The following TMEM74 variants were observed in gnomAD, a reference collection of about 807,000 sequenced individuals.
The protein encoded by TMEM74 is transmembrane protein 74.
TMEM74 carries 13 observed loss-of-function variants against 18.1 expected under a neutral mutation model. That is an observed-to-expected ratio of 0.72 (90% CI 0.47 to 1.14). The LOEUF (loss-of-function observed/expected upper bound fraction) is 1.14, where lower values mean the gene tolerates loss of function less well. Among genes scored for constraint, TMEM74 ranks in the 50% most tolerant of loss-of-function variants. TMEM74 has a pLI of 0.00. For synonymous variants in TMEM74, 159 were observed against 146.6 expected (o/e 1.08, Z -0.61); for missense variants, 372 against 375.9 (o/e 0.99, Z 0.09).
At chr8:108,622,952 T>C (rs1159400424) in intron 2 of TMEM74, among the ~76,000 whole-genome samples, 6 of 152,128 alleles carry the variant, frequency 3.9e-5, no homozygotes, top group Admixed American at 3.3e-4. Flanking sequence ...ATATGGTATG[T>C]ACATTCAAAT....
At chr8:108,614,104 AT>A (rs2130536216) in intron 2 of TMEM74, among the ~76,000 whole-genome samples, 1 of 151,810 alleles carries the variant, frequency 6.6e-6, no homozygotes, top group Non-Finnish European at 1.5e-5. Flanking sequence ...TAATAAGACA[AT>A]TTTTAATAAA....
At chr8:108,752,379 C>G (rs572583779) in intron 1 of TMEM74, among the ~76,000 whole-genome samples, 3 of 152,114 alleles carry the variant, frequency 2.0e-5, no homozygotes, top group East Asian at 3.9e-4. Context: ...GAGTGTCTAG[C>G]ACAGAATAAG....
At chr8:108,748,286 G>A (rs1346966347) in intron 1 of TMEM74, among the ~76,000 whole-genome samples, 5 of 152,060 alleles carry the variant, frequency 3.3e-5, no homozygotes, top group Non-Finnish European at 5.9e-5. Context: ...ATCTCACTGT[G>A]GTTTTGATTG....
Position 108,784,565 on chromosome 8 carries a change from G to A in TMEM74, c.534C>T (p.Phe178=). The A allele has an allele frequency of 1.2e-6, 2 of 1,614,144 alleles. No individual in the cohort carries two copies. Among genetic ancestry groups the A allele is most frequent in the African/African-American group, 1.3e-5 (1 of 75,022 alleles). The change falls in exon 2 of 2, where the codon TTC becomes TTT. Residue 178 remains phenylalanine (F), a synonymous_variant. Coordinates refer to ENST00000297459, the MANE Select transcript of TMEM74 (RefSeq NM_153015.3). ...TSSGKSIDYG[F]ISAILFLVTG... Reference sequence around the variant, plus strand: ...TGACCAAGAACAAGATGGCGCTGATGAAACCATAGTCTATAGACTTCCCTG... The same window carrying A: ...TGACCAAGAACAAGATGGCGCTGATAAAACCATAGTCTATAGACTTCCCTG...
intron 1 of TMEM74, among the ~76,000 whole-genome samples, chr8:108,685,249 G>A (rs990806015): frequency 6.6e-5 from 10 of 151,850 alleles, no homozygotes; most frequent in Admixed American, 2.6e-4. Flanking sequence ...TTTATTATTC[G>A]TGTATGGAAA....
chr8:108,688,836 A>C (rs1346818773), intron 1 of TMEM74, among the ~76,000 whole-genome samples: 1 of 152,126 alleles, frequency 6.6e-6, no homozygotes, highest in Non-Finnish European at 1.5e-5. Flanking sequence ...CAGCCCACAC[A>C]CCTTATATAG....
chr8:108,780,227 G>T lies in TMEM74; in HGVS notation c.*3954C>A, dbSNP rs1446516894. Among the ~76,000 whole-genome samples the T allele has an allele frequency of 6.6e-6, 1 of 152,154 alleles. No individual in the cohort carries two copies. Among genetic ancestry groups the T allele is most frequent in the Non-Finnish European group, 1.5e-5 (1 of 68,008 alleles). The stretch of plus-strand genomic sequence containing the variant: ...CGTTTTTTTGATGGCATTAATTGCT[G>T]CAATGAAATCTGACCTTCAGGTTGA... On this transcript the variant is annotated 3_prime_UTR_variant, in exon 2 of 2. Coordinates refer to ENST00000297459, the MANE Select transcript of TMEM74 (RefSeq NM_153015.3).
intron 1 of TMEM74, among the ~76,000 whole-genome samples, chr8:108,660,845 A>G (rs921901399): frequency 1.3e-5 from 2 of 152,068 alleles, no homozygotes; most frequent in Non-Finnish European, 2.9e-5. Flanking sequence ...TATTTTGTAT[A>G]TTTGTAGCTC....
In TMEM74 at chr8:108,661,742, C is replaced by T. The variant is rs11985003; in HGVS notation, n.120-6305G>A. ...AATCAATGTCTGATTCCACAATGAA[C>T]GGGGCAGCCTCCTTTCTGGGTAGGT... On this transcript the variant is annotated intron_variant and non_coding_transcript_variant, in intron 1 of 3. Transcript: ENST00000518838. Among the ~76,000 whole-genome samples the T allele has an allele frequency of 7.3e-3, 1,108 of 152,068 alleles. 11 individuals carry two copies. Among genetic ancestry groups the T allele is most frequent in the African/African-American group, 0.025 (1,054 of 41,466 alleles).
chr8:108,780,785 G>C lies in TMEM74; in HGVS notation c.*3396C>G, dbSNP rs10955496. Among the ~76,000 whole-genome samples the C allele has an allele frequency of 0.42, 63,768 of 151,972 alleles. 14,317 individuals are homozygous for C. Among genetic ancestry groups the C allele is most frequent in the African/African-American group, 0.58 (23,972 of 41,422 alleles). ...TGGTTCCAAGCAGTCTTGTCTTCCT[G>C]TAAACTATAAATCACCTACACAGTG... On this transcript the variant is annotated 3_prime_UTR_variant, in exon 2 of 2. Coordinates refer to ENST00000297459, the MANE Select transcript of TMEM74 (RefSeq NM_153015.3).
Position 108,785,039 on chromosome 8 carries a change from G to A in TMEM74, c.60C>T (p.Asp20=). The stretch of plus-strand genomic sequence containing the variant: ...CACCAGGCAGCCCTCTTGAACTCCA[G>A]TCCCTGGCATCACAGAGGTCTGCCT... ...SNQADLCDAR[D]WSSRGLPGDQ... The change falls in exon 2 of 2, where the codon GAC becomes GAT. Residue 20 remains aspartate (D), a synonymous_variant. Transcript: ENST00000297459. 6.2e-7 allele frequency: 1 copy of A among 1,613,982 alleles called. No homozygotes were observed. Among genetic ancestry groups the A allele is most frequent in the Non-Finnish European group, 8.5e-7 (1 of 1,179,980 alleles).
At chr8:108,648,063 A>T (rs535574054) in intron 2 of TMEM74, among the ~76,000 whole-genome samples, 2 of 152,282 alleles carry the variant, frequency 1.3e-5, no homozygotes, top group Non-Finnish European at 2.9e-5. Flanking sequence ...TCTCACTCAC[A>T]TATTATGTTA....
intron 1 of TMEM74, among the ~76,000 whole-genome samples, chr8:108,767,895 T>A (rs1195443057): frequency 6.6e-6 from 1 of 152,138 alleles, no homozygotes; most frequent in Non-Finnish European, 1.5e-5. Flanking sequence ...ACATTTTGAT[T>A]TCAAGTGGCT....
chr8:108,698,798 CT>C (rs547742317), intron 1 of TMEM74, among the ~76,000 whole-genome samples: 75 of 151,656 alleles, frequency 4.9e-4, no homozygotes, highest in African/African-American at 1.3e-3. Flanking sequence ...AATATTACCA[CT>C]TTTTTTTTCC....
At chr8:108,762,116 T>C (rs1005332143) in intron 1 of TMEM74, among the ~76,000 whole-genome samples, 7 of 152,150 alleles carry the variant, frequency 4.6e-5, no homozygotes, top group African/African-American at 1.7e-4. Flanking sequence ...CAATAAGATT[T>C]TGAGGCAGAA....
At chr8:108,647,127 T>C (rs1037986077) in intron 2 of TMEM74, among the ~76,000 whole-genome samples, 34 of 152,162 alleles carry the variant, frequency 2.2e-4, no homozygotes, top group African/African-American at 8.0e-4. Flanking sequence ...GTCTTAGCCC[T>C]TGAGTCATGT....
At chr8:108,670,522 A>G (rs1812993880) in intron 1 of TMEM74, among the ~76,000 whole-genome samples, 1 of 152,172 alleles carries the variant, frequency 6.6e-6, no homozygotes, top group Admixed American at 6.6e-5. Flanking sequence ...ATATGATGTC[A>G]CTTCCCCATT....
chr8:108,620,060 A>G (rs1812424280), intron 2 of TMEM74, among the ~76,000 whole-genome samples: 1 of 152,092 alleles, frequency 6.6e-6, no homozygotes, highest in Admixed American at 6.6e-5. Context: ...AGGTAGGGGT[A>G]ATTATTTATT....
At chr8:108,651,177 G>T (rs1014707458) in intron 2 of TMEM74, among the ~76,000 whole-genome samples, 1 of 151,830 alleles carries the variant, frequency 6.6e-6, no homozygotes, top group Non-Finnish European at 1.5e-5. Flanking sequence ...ATAAAAATGG[G>T]ATTAAAAAAA....
Sources: gnomAD v4.1 joint callset for allele counts (sites outside exome capture counted in the v4.1 genomes callset) on GRCh38, gnomAD v4.1.1 for gene constraint, MANE v1.5 for transcripts, NCBI Gene and HGNC (gene_info 2026-07-23, HGNC 2026-07-21) for gene names.